PPP1R42: variants seen among roughly 807,000 people sequenced by gnomAD.
PPP1R42 encodes the protein protein phosphatase 1 regulatory subunit 42, also known as leucine rich repeat containing 67.
PPP1R42 carries 34 observed loss-of-function variants against 31.0 expected under a neutral mutation model. The observed-to-expected ratio is 1.10, with a 90% CI of 0.83 to 1.46. The LOEUF is 1.46. Ranked by LOEUF, PPP1R42 falls within the 40% of genes most tolerant of loss-of-function variation. The pLI is 0.00. For synonymous variants in PPP1R42, 103 were observed against 109.8 expected (o/e 0.94, Z 0.39); for missense variants, 268 against 303.0 (o/e 0.88, Z 0.86).
At chr8:66,966,642 G>T (rs180772845) in intron 7 of PPP1R42, among the ~76,000 whole-genome samples, 321 of 152,028 alleles carry the variant, frequency 2.1e-3, no homozygotes, top group African/African-American at 7.5e-3. Context: ...AAAACTGGCC[G>T]GGCGTGGTGG....
intron 6 of PPP1R42, chr8:66,985,854 C>A: frequency 8.4e-7 from 1 of 1,191,108 alleles, no homozygotes; most frequent in Non-Finnish European, 1.2e-6. Flanking sequence ...CCAGGGATCA[C>A]CTCTGGCTCT....
intron 1 of PPP1R42, among the ~76,000 whole-genome samples, chr8:67,020,658 T>C (rs1375612846): frequency 6.6e-6 from 1 of 152,232 alleles, no homozygotes; most frequent in Non-Finnish European, 1.5e-5. Flanking sequence ...AAATACTCAT[T>C]ATAGAGTGTT....
At chr8:67,020,362 G>A (rs1026004325) in intron 1 of PPP1R42, among the ~76,000 whole-genome samples, 2 of 152,004 alleles carry the variant, frequency 1.3e-5, no homozygotes, top group South Asian at 4.2e-4. Context: ...CACCATGCCC[G>A]GCTAATTTTT....
intron 1 of PPP1R42, among the ~76,000 whole-genome samples, chr8:67,023,456 T>C (rs1191034574): frequency 1.3e-5 from 2 of 152,202 alleles, no homozygotes; most frequent in East Asian, 1.9e-4. Context: ...TTTGTTGATA[T>C]TGCAAATGTT....
At chr8:66,967,564 A>T (rs1047196552) in intron 7 of PPP1R42, among the ~76,000 whole-genome samples, 1 of 152,246 alleles carries the variant, frequency 6.6e-6, no homozygotes, top group Non-Finnish European at 1.5e-5. Context: ...CAACTGTTCA[A>T]ATATAACCTT....
intron 7 of PPP1R42, among the ~76,000 whole-genome samples, chr8:66,972,340 C>G (rs1814560629): frequency 6.6e-6 from 1 of 152,168 alleles, no homozygotes; most frequent in African/African-American, 2.4e-5. Context: ...AGAAAATTTT[C>G]TGCTGCAGCT....
intron 5 of PPP1R42, among the ~76,000 whole-genome samples, chr8:67,000,120 T>C (rs190695589): frequency 1.1e-3 from 174 of 152,290 alleles, no homozygotes; most frequent in African/African-American, 3.9e-3. Flanking sequence ...TATTTCCTTT[T>C]TTCCTTCATT....
At chr8:66,997,140 G>A (rs968613290) in intron 5 of PPP1R42, among the ~76,000 whole-genome samples, 19 of 152,116 alleles carry the variant, frequency 1.2e-4, no homozygotes, top group Non-Finnish European at 2.1e-4. Context: ...GCAACAGAGC[G>A]AGACTCTTAA....
intron 1 of PPP1R42, among the ~76,000 whole-genome samples, chr8:67,019,781 G>C (rs1238858937): frequency 6.6e-6 from 1 of 151,470 alleles, no homozygotes; most frequent in Non-Finnish European, 1.5e-5. Context: ...CCAGCTACTT[G>C]GGAGGCTGAG....
At chr8:67,007,884 C>CTTTTTT (rs1157477422) in intron 5 of PPP1R42, among the ~76,000 whole-genome samples, 1 of 133,124 alleles carries the variant, frequency 7.5e-6, no homozygotes, top group Non-Finnish European at 1.6e-5. Context: ...GTAACTGTTC[C>CTTTTTT]TTTTTTTTTT....
intron 5 of PPP1R42, among the ~76,000 whole-genome samples, chr8:66,989,025 T>C (rs1407415419): frequency 6.6e-6 from 1 of 152,146 alleles, no homozygotes; most frequent in Non-Finnish European, 1.5e-5. Flanking sequence ...AAAAATCATT[T>C]GTATGCTTAT....
intron 4 of PPP1R42, 128 bp from the exon 5 acceptor site, chr8:67,010,959 A>T: frequency 1.2e-6 from 1 of 807,646 alleles, no homozygotes; most frequent in South Asian, 3.1e-5. Flanking sequence ...AGGCAAAAAC[A>T]TCAAAAGCCA....
intron 4 of PPP1R42, among the ~76,000 whole-genome samples, chr8:67,012,707 T>C (rs897617077): frequency 1.3e-5 from 2 of 152,246 alleles, no homozygotes; most frequent in South Asian, 4.1e-4. Context: ...TCAGTTAACA[T>C]ACCTTTTCAC....
intron 5 of PPP1R42, 146 bp from the exon 6 acceptor site, chr8:66,988,663 A>G: frequency 1.6e-6 from 1 of 634,888 alleles, no homozygotes; most frequent in Non-Finnish European, 2.4e-6. Flanking sequence ...TAATAACTAA[A>G]TTTTGAATAA....
chr8:67,024,863 C>T (rs1001195510), intron 1 of PPP1R42, among the ~76,000 whole-genome samples: 1 of 151,742 alleles, frequency 6.6e-6, no homozygotes, highest in Non-Finnish European at 1.5e-5. Flanking sequence ...TGCATTCCAG[C>T]GATAAACCAA....
chr8:67,016,739 G>A (rs1276486586), intron 2 of PPP1R42, among the ~76,000 whole-genome samples: 2 of 152,128 alleles, frequency 1.3e-5, no homozygotes, highest in African/African-American at 4.8e-5. Context: ...TTACAGGTGT[G>A]ACCCACCACG....
chr8:67,014,511 C>T lies in PPP1R42; in HGVS notation c.211G>A (p.Ala71Thr). The change falls in exon 3 of 8, where the codon GCC becomes ACC. Residue 71 changes from alanine (A) to threonine (T), a missense_variant. By Grantham distance (58) the Ala-to-Thr change is moderately conservative. Coordinates refer to ENST00000685739, the MANE Select transcript of PPP1R42 (RefSeq NM_001364910.1). ...AGGTACAAGTGGGTCAGATTTGTGG[C>T]ATAATTCAGGTTAGTGATTTGACTA... The part of the protein sequence containing the change: ...CISQITNLNY[A>T]TNLTHLYLQN... 2 of 1,581,238 alleles carry T rather than the reference C, an allele frequency of 1.3e-6. No individual in the cohort carries two copies. The highest frequency in any genetic ancestry group is 1.7e-6 in the Non-Finnish European group (2 of 1,155,222).
At chr8:66,970,287 T>C (rs190656607) in intron 7 of PPP1R42, among the ~76,000 whole-genome samples, 1 of 152,008 alleles carries the variant, frequency 6.6e-6, no homozygotes, top group African/African-American at 2.4e-5. Context: ...CGCACCACCA[T>C]GTCCAGCTAA....
Position 66,985,366 on chromosome 8 carries a change from G to A in PPP1R42, c.670+3034C>T, listed in dbSNP as rs1218039908. On this transcript the variant is annotated intron_variant, in intron 6 of 7. Transcript: ENST00000685739. ...TGCTTGAATGGTTCCCTCCGAAGAG[G>A]GAACAGCACGAATATTGGCAGGAGT... 2.4e-5 allele frequency: 18 copies of A among 755,328 alleles called. No homozygotes were observed. The East Asian group carries it at 4.4e-4, about 18-fold the overall frequency. 46.8% of individuals were successfully genotyped at this position (755,328 alleles called of 1,614,324 possible).
Sources: gnomAD v4.1 joint callset for allele counts (sites outside exome capture counted in the v4.1 genomes callset) on GRCh38, gnomAD v4.1.1 for gene constraint, MANE v1.5 for transcripts, NCBI Gene and HGNC (gene_info 2026-07-23, HGNC 2026-07-21) for gene names.